The following DENND1A variants were observed in gnomAD, a reference collection of about 807,000 sequenced individuals.
DENND1A encodes DENN domain-containing protein 1A.
In DENND1A, 51 loss-of-function variants were observed where a neutral mutation model predicts 113.7. The observed-to-expected ratio is 0.45, with a 90% confidence interval of 0.36 to 0.57. The LOEUF is 0.57. Ranked by LOEUF, DENND1A falls within the 20% of genes least tolerant of loss-of-function variation. DENND1A has a pLI of 0.00. For synonymous variants in DENND1A, 565 were observed against 570.8 expected, an observed-to-expected ratio of 0.99 and a Z score of 0.14; for missense variants, 1,258 against 1,395.9, an observed-to-expected ratio of 0.90 and a Z score of 1.57.
intron 2 of DENND1A, among the ~76,000 whole-genome samples, chr9:123,825,915 C>T (rs1383227494): frequency 3.3e-5 from 5 of 152,182 alleles, no homozygotes; most frequent in Admixed American, 6.5e-5. Flanking sequence ...TAAAGCTTTA[C>T]GAGCTATCAC....
intron 5 of DENND1A, among the ~76,000 whole-genome samples, chr9:123,728,506 A>AAAAAAAAAAAAAAAAAAAAAAC (rs1564150268): frequency 7.5e-5 from 11 of 145,904 alleles, no homozygotes; most frequent in African/African-American, 3.0e-4. Flanking sequence ...AAAAAAAAAA[A>AAAAAAAAAAAAAAAAAAAAAAC]AAAACAGGCA....
chr9:123,418,558 A>G (rs1290672193), intron 19 of DENND1A, among the ~76,000 whole-genome samples: 1 of 152,210 alleles, frequency 6.6e-6, no homozygotes, highest in Non-Finnish European at 1.5e-5. Context: ...GCAGGGTGGA[A>G]AACGCTCGAC....
intron 13 of DENND1A, among the ~76,000 whole-genome samples, chr9:123,545,507 C>T (rs1589073057): frequency 6.6e-6 from 1 of 151,856 alleles, no homozygotes; most frequent in East Asian, 1.9e-4. Context: ...CGCTCTGTCG[C>T]CCAGGCTGGA....
chr9:123,765,823 C>A (rs564328904), intron 4 of DENND1A, among the ~76,000 whole-genome samples: 2 of 152,100 alleles, frequency 1.3e-5, no homozygotes, highest in Non-Finnish European at 2.9e-5. Flanking sequence ...CACTTCACTA[C>A]TCCCTCTCAC....
chr9:123,874,576 A>G (rs10986124), intron 2 of DENND1A, among the ~76,000 whole-genome samples: 10,961 of 152,206 alleles, frequency 0.072, 617 homozygotes, highest in African/African-American at 0.16. Flanking sequence ...GCAATGAACT[A>G]TGATCACGCC....
At chr9:123,643,868 T>G (rs2062159455) in intron 9 of DENND1A, among the ~76,000 whole-genome samples, 1 of 152,192 alleles carries the variant, frequency 6.6e-6, no homozygotes, top group Admixed American at 6.5e-5. Context: ...GAATCTGAAG[T>G]AAAAAGCTTA....
At chr9:123,616,949 G>A (rs1006091542) in intron 10 of DENND1A, among the ~76,000 whole-genome samples, 18 of 152,230 alleles carry the variant, frequency 1.2e-4, no homozygotes, top group African/African-American at 3.1e-4. Flanking sequence ...ACAAGGAGAC[G>A]CACAGGGTGT....
At chr9:123,571,373 T>C (rs769766198) in intron 12 of DENND1A, among the ~76,000 whole-genome samples, 1 of 152,262 alleles carries the variant, frequency 6.6e-6, no homozygotes, top group Non-Finnish European at 1.5e-5. Flanking sequence ...GACCAATGTC[T>C]ACACGTGTGT....
At chr9:123,402,733 G>A (rs866016093) in intron 21 of DENND1A, 9 of 421,664 alleles carry the variant, frequency 2.1e-5, no homozygotes, top group Admixed American at 1.0e-4. Flanking sequence ...GTCTGGACTC[G>A]GGGCTATCTG....
At chr9:123,824,270 T>A (rs563152363) in intron 2 of DENND1A, among the ~76,000 whole-genome samples, 198 of 152,266 alleles carry the variant, frequency 1.3e-3, no homozygotes, top group Non-Finnish European at 2.3e-3. Flanking sequence ...ACTTAAGCTC[T>A]TACACTCTAA....
At chr9:123,562,965 G>A (rs746042096) in intron 12 of DENND1A, among the ~76,000 whole-genome samples, 2 of 152,170 alleles carry the variant, frequency 1.3e-5, no homozygotes, top group Non-Finnish European at 2.9e-5. Context: ...GAACGAATGA[G>A]CAAGTGCTTG....
chr9:123,796,790 C>CACACACACACAT (rs1408903894), intron 2 of DENND1A, among the ~76,000 whole-genome samples: 2 of 151,438 alleles, frequency 1.3e-5, no homozygotes, highest in Non-Finnish European at 1.5e-5. Context: ...CACACACACA[C>CACACACACACAT]ATCTTACCAA....
At chr9:123,442,817 C>T (rs2047026178) in intron 18 of DENND1A, among the ~76,000 whole-genome samples, 1 of 152,160 alleles carries the variant, frequency 6.6e-6, no homozygotes, top group African/African-American at 2.4e-5. Context: ...CCTCTCTGCA[C>T]CTATTGCCTT....
rs536351331 is a variant in DENND1A at position 123,687,242 on chromosome 9, C to G, written c.303-10453G>C. On this transcript the variant is annotated intron_variant, in intron 5 of 23. Coordinates refer to ENST00000394215, the MANE Select transcript of DENND1A (RefSeq NM_001352964.2). ...ATAAAATGAACCTCGCACCTACCCCCCCAGCGATCAGAGAGCTCTGAACTT... is the reference window on the plus strand; with the variant it reads ...ATAAAATGAACCTCGCACCTACCCCGCCAGCGATCAGAGAGCTCTGAACTT... 2.6e-5 allele frequency among the ~76,000 whole-genome samples: 4 copies of G among 152,256 alleles called. No homozygotes were observed. In the South Asian group the frequency reaches 8.3e-4, roughly 32 times the overall value.
chr9:123,608,092 T>C (rs2060252798), intron 11 of DENND1A, among the ~76,000 whole-genome samples: 1 of 152,124 alleles, frequency 6.6e-6, no homozygotes, highest in South Asian at 2.1e-4. Flanking sequence ...AAATACATCA[T>C]CCCAGATAGT....
intron 2 of DENND1A, among the ~76,000 whole-genome samples, chr9:123,856,220 A>G (rs1348719326): frequency 6.6e-6 from 1 of 152,198 alleles, no homozygotes; most frequent in Admixed American, 6.5e-5. Context: ...ACACGTCCAT[A>G]CTTGGTGAGA....
At chr9:123,666,614 T>C (rs2063503289) in intron 8 of DENND1A, among the ~76,000 whole-genome samples, 1 of 152,218 alleles carries the variant, frequency 6.6e-6, no homozygotes, top group Non-Finnish European at 1.5e-5. Context: ...CTAAATGTTC[T>C]ACAGTGAGAG....
At chr9:123,520,135 A>G (rs528250483) in intron 13 of DENND1A, among the ~76,000 whole-genome samples, 1 of 140,392 alleles carries the variant, frequency 7.1e-6, no homozygotes, top group African/African-American at 2.8e-5. Context: ...GAAACAGAGC[A>G]AGATCCTGTC....
intron 1 of DENND1A, among the ~76,000 whole-genome samples, chr9:123,902,174 TAC>T (rs9299289): frequency 0.1 from 13,718 of 131,564 alleles, 783 homozygotes; most frequent in African/African-American, 0.18. Context: ...CACACACACA[TAC>T]ACACACACAC....
Sources: allele counts gnomAD v4.1 joint callset (sites outside exome capture counted in the v4.1 genomes callset), GRCh38; gene constraint gnomAD v4.1.1; transcripts MANE v1.5; gene names NCBI Gene and HGNC (gene_info 2026-07-23, HGNC 2026-07-21).